Variants in ATP2B2 observed in about 807,000 individuals in gnomAD.
ATP2B2 encodes plasma membrane calcium-transporting ATPase 2.
A neutral mutation model predicts 120.0 loss-of-function variants in ATP2B2; 15 were observed. The ratio of observed to expected loss-of-function variants is 0.12; its 90% CI spans 0.08 to 0.19. The LOEUF (loss-of-function observed/expected upper bound fraction) is 0.19, where lower values mean the gene tolerates loss of function less well. Among genes scored for constraint, ATP2B2 ranks in the 10% least tolerant of loss-of-function variants. ATP2B2 has a pLI of 1.00. For synonymous variants in ATP2B2, 694 were observed against 700.3 expected (o/e 0.99, Z 0.14); for missense variants, 1,045 against 1,719.8 (o/e 0.61, Z 6.94).
chr3:10,445,816 C>T (rs1444622473), intron 2 of ATP2B2, among the ~76,000 whole-genome samples: 2 of 152,212 alleles, frequency 1.3e-5, no homozygotes, highest in Admixed American at 1.3e-4. Context: ...AATGGTCAAA[C>T]TGAGTCCCTG....
Position 10,326,545 on chromosome 3 carries a change from A to G in ATP2B2, c.*2269T>C. On this transcript the variant is annotated 3_prime_UTR_variant, in exon 23 of 23. Coordinates refer to ENST00000360273, the MANE Select transcript of ATP2B2 (RefSeq NM_001001331.4). ...GAGAAAGGAAACTCCAAAAAACACC[A>G]TGTTCCAAGGCTGCCCCATGTTTTA... 5.0e-6 allele frequency: 2 copies of G among 397,084 alleles called. No homozygotes were observed. The highest frequency in any genetic ancestry group is 8.9e-6 in the Non-Finnish European group (2 of 225,590). 24.6% of individuals were successfully genotyped at this position (397,084 alleles called of 1,614,324 possible).
At chr3:10,502,112 A>G (rs1171614980) in intron 1 of ATP2B2, among the ~76,000 whole-genome samples, 1 of 152,202 alleles carries the variant, frequency 6.6e-6, no homozygotes, top group Non-Finnish European at 1.5e-5. Context: ...CACATAGCAT[A>G]AGCCACAGGC....
chr3:10,690,276 G>T (rs140578847), intron 1 of ATP2B2, among the ~76,000 whole-genome samples: 1 of 152,160 alleles, frequency 6.6e-6, no homozygotes, highest in Non-Finnish European at 1.5e-5. Context: ...AATCCACTGC[G>T]CGGGCAGCCA....
At chr3:10,513,004 G>A (rs2066803267) in intron 3 of ATP2B2, among the ~76,000 whole-genome samples, 1 of 152,212 alleles carries the variant, frequency 6.6e-6, no homozygotes, top group Non-Finnish European at 1.5e-5. Flanking sequence ...AATACCCATT[G>A]AGCATCTCCT....
intron 1 of ATP2B2, among the ~76,000 whole-genome samples, chr3:10,627,916 G>A (rs2069751141): frequency 6.6e-6 from 1 of 152,102 alleles, no homozygotes; most frequent in Non-Finnish European, 1.5e-5. Context: ...GCTACATCAT[G>A]GGGCCCACTT....
chr3:10,697,122 A>G (rs1192807510), intron 1 of ATP2B2, among the ~76,000 whole-genome samples: 1 of 152,134 alleles, frequency 6.6e-6, no homozygotes, highest in Non-Finnish European at 1.5e-5. Context: ...CCTCAAGCCC[A>G]CCCTGAATCC....
intron 1 of ATP2B2, among the ~76,000 whole-genome samples, chr3:10,488,529 T>TCGTTCCTTCCTTCCTTCCTTC (rs1487842994): frequency 6.7e-6 from 1 of 148,742 alleles, no homozygotes; most frequent in Non-Finnish European, 1.5e-5. Context: ...CTTCCTTCCT[T>TCGTTCCTTCCTTCCTTCCTTC]CTTTCCTTCC....
chr3:10,502,136 T>C (rs1231132003), intron 1 of ATP2B2, among the ~76,000 whole-genome samples: 1 of 152,208 alleles, frequency 6.6e-6, no homozygotes, highest in Non-Finnish European at 1.5e-5. Flanking sequence ...TTTTCTGACC[T>C]CCGATCTGCA....
In ATP2B2 at chr3:10,510,901, C is replaced by A. The variant is rs539597260; in HGVS notation, c.-320+23138G>T. On this transcript the variant is annotated intron_variant, in intron 3 of 21. Coordinates refer to the ATP2B2 transcript ENST00000646379. ...ATCCTGACTCCTAACTGTCCTCCCC[C>A]CTCCTCCCCTGCCATCCCCTGGCCA... Among the ~76,000 whole-genome samples, 128 of 152,302 alleles carry A rather than the reference C, an allele frequency of 8.4e-4. 1 individual carries two copies. Among genetic ancestry groups the A allele is most frequent in the South Asian group, 1.7e-3 (8 of 4,824 alleles).
chr3:10,593,447 G>A (rs1374795267), intron 2 of ATP2B2, among the ~76,000 whole-genome samples: 1 of 152,196 alleles, frequency 6.6e-6, no homozygotes, highest in African/African-American at 2.4e-5. Flanking sequence ...TTGACTGTCT[G>A]TGCAGAAACA....
intron 1 of ATP2B2, among the ~76,000 whole-genome samples, chr3:10,460,363 G>A (rs2064436288): frequency 6.6e-6 from 1 of 152,200 alleles, no homozygotes; most frequent in Admixed American, 6.5e-5. Flanking sequence ...GGAGGTGGAG[G>A]TGGGTGTTAA....
chr3:10,384,070 G>C (rs1252918470), intron 8 of ATP2B2, among the ~76,000 whole-genome samples: 2 of 152,162 alleles, frequency 1.3e-5, no homozygotes, highest in African/African-American at 4.8e-5. Context: ...GCCTGAAATA[G>C]AGCCATACCA....
intron 1 of ATP2B2, among the ~76,000 whole-genome samples, chr3:10,647,738 A>G (rs1160337497): frequency 1.3e-5 from 2 of 152,224 alleles, no homozygotes; most frequent in African/African-American, 4.8e-5. Flanking sequence ...GTTTTTCCTC[A>G]ATAGAGGAAG....
intron 2 of ATP2B2, among the ~76,000 whole-genome samples, chr3:10,565,793 G>T (rs1046109370): frequency 1.3e-5 from 2 of 152,216 alleles, no homozygotes; most frequent in South Asian, 2.1e-4. Flanking sequence ...GTAATACAGT[G>T]ATTAAGAGAA....
intron 2 of ATP2B2, among the ~76,000 whole-genome samples, chr3:10,576,459 C>T (rs1021704479): frequency 6.6e-6 from 1 of 152,162 alleles, no homozygotes; most frequent in Admixed American, 6.5e-5. Flanking sequence ...TGGCTCACTG[C>T]AGCATCAACC....
At chr3:10,697,033 G>C (rs2071751645) in intron 1 of ATP2B2, among the ~76,000 whole-genome samples, 1 of 152,312 alleles carries the variant, frequency 6.6e-6, no homozygotes, top group South Asian at 2.1e-4. Flanking sequence ...AGGGAAGGGA[G>C]TGTTTTCCCT....
At chr3:10,662,559 T>G (rs1559509896) in intron 1 of ATP2B2, among the ~76,000 whole-genome samples, 1 of 146,152 alleles carries the variant, frequency 6.8e-6, no homozygotes, top group Non-Finnish European at 1.5e-5. Context: ...CTCACACCAG[T>G]TAGAATGGAA....
At position 10,674,110 on chromosome 3, in the gene ATP2B2, A is replaced by G. The variant is rs966842703; in HGVS notation, c.-460+33805T>C. Among the ~76,000 whole-genome samples, 3 of 152,260 alleles carry G rather than the reference A, an allele frequency of 2.0e-5. No individual in the cohort carries two copies. In the East Asian group the frequency reaches 5.8e-4, roughly 29 times the overall value. On this transcript the variant is annotated intron_variant, in intron 1 of 21. Transcript: ENST00000646379. Reference sequence around the variant, plus strand: ...ATCACATAAGCTCTCTGAGTTCCTGAAATACACAAGGAGTACAACCATCTG... The same window carrying G: ...ATCACATAAGCTCTCTGAGTTCCTGGAATACACAAGGAGTACAACCATCTG...
intron 2 of ATP2B2, among the ~76,000 whole-genome samples, chr3:10,439,074 A>C (rs1310021721): frequency 6.6e-6 from 1 of 152,236 alleles, no homozygotes; most frequent in African/African-American, 2.4e-5. Context: ...CAAAGGGCCA[A>C]GGGCCAAGGG....
Sources: gnomAD v4.1 joint callset for allele counts (sites outside exome capture counted in the v4.1 genomes callset) on GRCh38, gnomAD v4.1.1 for gene constraint, MANE v1.5 for transcripts, NCBI Gene and HGNC (gene_info 2026-07-23, HGNC 2026-07-21) for gene names.